PIK3R5: variants seen among roughly 807,000 people sequenced by gnomAD.
PIK3R5 encodes phosphoinositide 3-kinase regulatory subunit 5.
A neutral mutation model predicts 94.9 loss-of-function variants in PIK3R5; 32 were observed. The ratio of observed to expected loss-of-function variants is 0.34; its 90% confidence interval spans 0.25 to 0.45. PIK3R5 has a LOEUF of 0.45. Among genes scored for constraint, PIK3R5 ranks in the 20% least tolerant of loss-of-function variants. The pLI, the probability that PIK3R5 is intolerant of heterozygous loss-of-function variation, is 1.00. For missense variants in PIK3R5, 853 were observed against 1,144.6 expected, an observed-to-expected ratio of 0.75 and a Z score of 3.68; for synonymous variants, 443 against 479.4, an observed-to-expected ratio of 0.92 and a Z score of 0.99.
At chr17:8,928,615 T>C (rs2090933275) in intron 1 of PIK3R5, among the ~76,000 whole-genome samples, 1 of 152,232 alleles carries the variant, frequency 6.6e-6, no homozygotes, top group Admixed American at 6.5e-5. Context: ...TTCTAATTGC[T>C]GAAGGACAAG....
chr17:8,914,692 G>A (rs778892716), intron 1 of PIK3R5, among the ~76,000 whole-genome samples: 11 of 152,316 alleles, frequency 7.2e-5, no homozygotes, highest in Admixed American at 3.3e-4. Flanking sequence ...AAACTCGCTC[G>A]CCTGCTCCGG....
At chr17:8,941,452 T>G (rs1466992881) in intron 1 of PIK3R5, among the ~76,000 whole-genome samples, 1 of 152,150 alleles carries the variant, frequency 6.6e-6, no homozygotes, top group Non-Finnish European at 1.5e-5. Context: ...ATAATACCCT[T>G]AAAACACCCT....
intron 1 of PIK3R5, among the ~76,000 whole-genome samples, chr17:8,962,838 C>T (rs1485010141): frequency 2.6e-5 from 4 of 152,186 alleles, no homozygotes; most frequent in Admixed American, 2.6e-4. Context: ...ATCATCTTCC[C>T]TTTGGGCAGA....
intron 3 of PIK3R5, 126 bp from the exon 4 acceptor site, chr17:8,905,863 A>T: frequency 2.1e-6 from 1 of 472,360 alleles, no homozygotes; most frequent in African/African-American, 2.0e-5. Context: ...AAAATAGTGC[A>T]ATCACATGAC....
chr17:8,881,592 T>C lies in PIK3R5; in HGVS notation c.2382+38A>G, dbSNP rs747078282. 1.5e-6 allele frequency: 2 copies of C among 1,373,468 alleles called. No homozygotes were observed. The highest frequency in any genetic ancestry group is 2.1e-6 in the Non-Finnish European group (2 of 974,510). The allele number at this position is 1,373,468 out of a possible 1,614,324, so 85.1% of individuals were successfully genotyped here. A position where few individuals can be genotyped will look rare whatever the true frequency, so the allele number is the denominator to read the frequency against. ...ACGCACATGCACGCTCCAGTAAGTC[T>C]CTTGAGGGTATGGCTGGAAGGAGAG... On this transcript the variant is annotated intron_variant, in intron 17 of 18. Coordinates refer to ENST00000447110, the MANE Select transcript of PIK3R5 (RefSeq NM_001142633.3). The surrounding 1 kb of genome is among the most constrained non-coding windows in gnomAD (Gnocchi z 4.8).
In PIK3R5 at chr17:8,896,850, A is replaced by G. The variant is rs938893611; in HGVS notation, c.413-3195T>C. Among the ~76,000 whole-genome samples, 1 of 152,188 alleles carries G rather than the reference A, an allele frequency of 6.6e-6. No individual in the cohort carries two copies. The highest frequency in any genetic ancestry group is 1.5e-5 in the Non-Finnish European group (1 of 68,014). ...TGACTCAGTTTCCTCCTACAAGGGG[A>G]ACACCAAGATTCCACGGAATCAACA... On this transcript the variant is annotated intron_variant, in intron 5 of 18. Transcript: ENST00000447110. The surrounding 1 kb of genome is among the most constrained non-coding windows in gnomAD (Gnocchi z 4.0).
intron 1 of PIK3R5, among the ~76,000 whole-genome samples, chr17:8,937,768 C>T (rs1283200691): frequency 1.3e-5 from 2 of 152,072 alleles, no homozygotes; most frequent in Non-Finnish European, 2.9e-5. Flanking sequence ...GAAGCACTCC[C>T]TCTTCTTCTA....
At chr17:8,910,885 T>A (rs997628765) in intron 2 of PIK3R5, among the ~76,000 whole-genome samples, 1 of 152,106 alleles carries the variant, frequency 6.6e-6, no homozygotes, top group African/African-American at 2.4e-5. Context: ...GGCGCCAGCC[T>A]TCAGAGACGC....
chr17:8,906,933 G>T (rs1271494819), intron 3 of PIK3R5, among the ~76,000 whole-genome samples: 2 of 152,112 alleles, frequency 1.3e-5, no homozygotes, highest in Non-Finnish European at 2.9e-5. Flanking sequence ...TGATGTAATT[G>T]TATCATATAT....
At chr17:8,921,673 T>C (rs1161163420) in intron 1 of PIK3R5, among the ~76,000 whole-genome samples, 1 of 152,176 alleles carries the variant, frequency 6.6e-6, no homozygotes, top group Non-Finnish European at 1.5e-5. Context: ...TTTAAAAATA[T>C]GCAATATTTT....
At chr17:8,953,883 C>T (rs1002225832) in intron 1 of PIK3R5, among the ~76,000 whole-genome samples, 2 of 152,076 alleles carry the variant, frequency 1.3e-5, no homozygotes, top group African/African-American at 4.8e-5. Flanking sequence ...CTGCCACAGT[C>T]CTTGGAGGAG....
chr17:8,952,031 T>G (rs11654759), intron 1 of PIK3R5, among the ~76,000 whole-genome samples: 6,752 of 152,304 alleles, frequency 0.044, 208 homozygotes, highest in Non-Finnish European at 0.064. Flanking sequence ...CTAGCTGGAA[T>G]GCAGATGCGA....
intron 1 of PIK3R5, among the ~76,000 whole-genome samples, chr17:8,956,292 C>G (rs2091465798): frequency 6.6e-6 from 1 of 151,478 alleles, no homozygotes. Flanking sequence ...TGAAAGGAAG[C>G]CTTCCAGCAG....
At position 8,923,887 on chromosome 17, in the gene PIK3R5, C is replaced by G. The variant is rs1327550823; in HGVS notation, c.-13-12380G>C. 7.0e-5 allele frequency among the ~76,000 whole-genome samples: 9 copies of G among 129,204 alleles called. No individual in the cohort carries two copies. The East Asian group carries it at 2.0e-3, about 29-fold the overall frequency. The allele number at this position is 129,204 out of a possible 152,430, so 84.8% of individuals were successfully genotyped here. A position where few individuals can be genotyped will look rare whatever the true frequency, so the allele number is the denominator to read the frequency against. On this transcript the variant is annotated intron_variant, in intron 1 of 18. Coordinates refer to ENST00000447110, the MANE Select transcript of PIK3R5 (RefSeq NM_001142633.3). ...CACCCTTCCCTTCCCTTCCCCTCCC[C>G]TCCCCTCCCCTCCCCTCCCCTTCCC... is the stretch of plus-strand genomic sequence containing the variant.
chr17:8,880,780 C>G lies in PIK3R5; in HGVS notation c.2502G>C (p.Glu834Asp). 6.2e-7 allele frequency: 1 copy of G among 1,613,500 alleles called. No individual in the cohort carries two copies. The highest frequency in any genetic ancestry group is 1.1e-5 in the South Asian group (1 of 90,996). The change falls in exon 19 of 19, where the codon GAG becomes GAC. Residue 834 changes from glutamate to aspartate, a missense_variant. Glu to Asp is a conservative substitution (Grantham distance 45). This residue lies in a region of PIK3R5 where 91 missense variants were observed against 90.5 expected (regional missense o/e 1.01). Transcript: ENST00000447110. The part of the protein sequence containing the change: ...RKILQSVVRC[E>D]VSPCYKPEKS... Reference sequence around the variant, plus strand: ...TCTCTGGCTTGTAGCACGGTGAGACCTCACATCTGTGCAGCAGGGCAGGGG... The same window carrying G: ...TCTCTGGCTTGTAGCACGGTGAGACGTCACATCTGTGCAGCAGGGCAGGGG...
Position 8,935,923 on chromosome 17 carries a change from G to A in PIK3R5, c.-13-24416C>T, listed in dbSNP as rs2091066693. Among the ~76,000 whole-genome samples, 1 of 151,852 alleles carries A rather than the reference G, an allele frequency of 6.6e-6. No individual in the cohort carries two copies. Among genetic ancestry groups the A allele is most frequent in the African/African-American group, 2.4e-5 (1 of 41,358 alleles). ...CAAAAAATTAGCCGGGCGTGGTGGC[G>A]GGCACCTGTAGTCCCAGCTACTCGG... On this transcript the variant is annotated intron_variant, in intron 1 of 18. Coordinates refer to ENST00000447110, the MANE Select transcript of PIK3R5 (RefSeq NM_001142633.3). This position sits in a 1 kb window ranked among gnomAD's most constrained non-coding sequence, Gnocchi z 4.5.
At position 8,888,017 on chromosome 17, in the gene PIK3R5, TAATAATA is replaced by T. The variant is rs1170642327; in HGVS notation, c.1616+147_1616+153del. Among the ~76,000 whole-genome samples, 1 of 132,522 alleles carries T rather than the reference TAATAATA, an allele frequency of 7.5e-6. No individual in the cohort carries two copies. The highest frequency in any genetic ancestry group is 3.5e-5 in the African/African-American group (1 of 28,640). 86.9% of individuals were successfully genotyped at this position (132,522 alleles called of 152,430 possible). A position where few individuals can be genotyped will look rare whatever the true frequency, so the allele number is the denominator to read the frequency against. ...CTCTGTCTCAAAATAATAATAATAA[TAATAATA>T]ATAATAATAATAATAATAATAATAA... On this transcript the variant is annotated intron_variant, in intron 10 of 18. Transcript: ENST00000447110. This position sits in a 1 kb window ranked among gnomAD's most constrained non-coding sequence, Gnocchi z 7.8.
At chr17:8,929,003 G>A (rs951564777) in intron 1 of PIK3R5, among the ~76,000 whole-genome samples, 1 of 152,126 alleles carries the variant, frequency 6.6e-6, no homozygotes, top group Non-Finnish European at 1.5e-5. Context: ...ATAAAGGGAG[G>A]TACAGTTCAC....
chr17:8,898,310 G>A (rs1374815412), intron 5 of PIK3R5, among the ~76,000 whole-genome samples: 2 of 152,212 alleles, frequency 1.3e-5, no homozygotes, highest in Non-Finnish European at 2.9e-5. Context: ...CATTTGATAG[G>A]AAGTCAAAGG....
Sources: allele counts gnomAD v4.1 joint callset (sites outside exome capture counted in the v4.1 genomes callset), GRCh38; gene constraint gnomAD v4.1.1; regional missense constraint gnomAD v4.1.1; non-coding constraint Gnocchi (gnomAD v3.1); transcripts MANE v1.5; gene names NCBI Gene and HGNC (gene_info 2026-07-23, HGNC 2026-07-21).